Variants in HERC1 observed in about 807,000 individuals in gnomAD.
HERC1 encodes probable E3 ubiquitin-protein ligase HERC1.
A neutral mutation model predicts 554.3 loss-of-function variants in HERC1; 160 were observed. That is an observed-to-expected ratio of 0.29 (90% confidence interval 0.25 to 0.33). The LOEUF (loss-of-function observed/expected upper bound fraction) is 0.33, where lower values mean the gene tolerates loss of function less well. Ranked by LOEUF, HERC1 falls within the 10% of genes least tolerant of loss-of-function variation. The pLI is 1.00. For missense variants in HERC1, 4,919 were observed against 5,918.5 expected (o/e 0.83, Z 5.54); for synonymous variants, 2,175 against 2,131.7 (o/e 1.02, Z -0.56).
rs1458144692 is a variant in HERC1 at position 63,616,430 on chromosome 15, C to G, written c.13941G>C (p.Glu4647Asp). 6.2e-7 allele frequency: 1 copy of G among 1,612,320 alleles called. No homozygotes were observed. Among genetic ancestry groups the G allele is most frequent in the Non-Finnish European group, 8.5e-7 (1 of 1,178,854 alleles). ...DSGITEESFH[E>D]MIPLDSFVGQ... Reference sequence around the variant, plus strand: ...GAAACATAGACTGGCCAGGATTTACCTCATGGAAACTCTCCTCGGTAATCC... The same window carrying G: ...GAAACATAGACTGGCCAGGATTTACGTCATGGAAACTCTCCTCGGTAATCC... The change falls in exon 75 of 78, where the codon GAG becomes GAC. Residue 4647 changes from glutamate to aspartate, a missense_variant and splice_region_variant. By Grantham distance (45) the Glu-to-Asp change is conservative. Around this residue, in one of 11 missense-constraint regions of HERC1, gnomAD observed 284 missense variants for 294.1 expected, o/e 0.97. Coordinates refer to ENST00000443617, the MANE Select transcript of HERC1 (RefSeq NM_003922.4).
Position 63,694,331 on chromosome 15 carries a change from T to C in HERC1, c.5461A>G (p.Ile1821Val), listed in dbSNP as rs1447189799. The change falls in exon 29 of 78, where the codon ATT becomes GTT. Residue 1821 changes from isoleucine (I) to valine (V), a missense_variant. Coordinates refer to ENST00000443617, the MANE Select transcript of HERC1 (RefSeq NM_003922.4). The surrounding 1 kb of genome is among the most constrained non-coding windows in gnomAD (Gnocchi z 4.3). ...ACTTACCCAGTAGTGATGGCTAGAA[T>C]CTGGAGCAACCTTGTACTGGCCACT... Reference protein sequence around the residue: ...LKVASTRLLQILAITTGTYAD... With the variant: ...LKVASTRLLQVLAITTGTYAD... The C allele has an allele frequency of 5.6e-6, 9 of 1,613,450 alleles. No individual in the cohort carries two copies. The highest frequency in any genetic ancestry group is 6.8e-6 in the Non-Finnish European group (8 of 1,179,714).
Position 63,674,968 on chromosome 15 carries a change from C to G in HERC1, c.7220G>C (p.Gly2407Ala). The part of the protein sequence containing the change: ...TYLTGVHEDM[G>A]KQSTKRHEKK... Reference sequence around the variant, plus strand: ...TTCATGTCGTTTGGTGCTCTGTTTGCCCATGTCTTCATGAACGCCAGTGAG... The same window carrying G: ...TTCATGTCGTTTGGTGCTCTGTTTGGCCATGTCTTCATGAACGCCAGTGAG... Residue 2407 changes from glycine to alanine, a missense_variant, in exon 38 of 78, where the codon GGC (glycine) becomes GCC (alanine). Gly to Ala is a moderately conservative substitution (Grantham distance 60, BLOSUM62 0). This residue lies in a region of HERC1 where 1,963 missense variants were observed against 2,228.6 expected (regional missense o/e 0.88). Transcript: ENST00000443617. 1 of 1,614,012 alleles carries G rather than the reference C, an allele frequency of 6.2e-7. No individual in the cohort carries two copies. The highest frequency in any genetic ancestry group is 8.5e-7 in the Non-Finnish European group (1 of 1,179,892).
intron 12 of HERC1, among the ~76,000 whole-genome samples, 159 bp downstream of exon 12, chr15:63,746,759 A>C (rs1300579939): frequency 6.6e-6 from 1 of 152,266 alleles, no homozygotes; most frequent in East Asian, 1.9e-4. Context: ...CCTTTGTCTC[A>C]AGGATGAGTT....
At position 63,752,729 on chromosome 15, in the gene HERC1, A is replaced by C. The variant is rs1596156205; in HGVS notation, c.1902+229T>G. 7.7e-6 allele frequency: 3 copies of C among 390,874 alleles called. No individual in the cohort carries two copies. In the East Asian group the frequency reaches 1.2e-4, roughly 16 times the overall value. The allele number at this position is 390,874 out of a possible 1,614,324, so 24.2% of individuals were successfully genotyped here. A position where few individuals can be genotyped will look rare whatever the true frequency, so the allele number is the denominator to read the frequency against. On this transcript the variant is annotated intron_variant, in intron 8 of 77. Transcript: ENST00000443617. Reference sequence around the variant, plus strand: ...TAAAACATTTTAGAAAGTCAGTTTAATACAAAGAACAGAGGCTCCACTAAG... The same window carrying C: ...TAAAACATTTTAGAAAGTCAGTTTACTACAAAGAACAGAGGCTCCACTAAG...
At chr15:63,711,662 G>A (rs1453814718) in intron 24 of HERC1, among the ~76,000 whole-genome samples, 1 of 152,078 alleles carries the variant, frequency 6.6e-6, no homozygotes, top group Non-Finnish European at 1.5e-5. Context: ...TACAACAGAG[G>A]AATTTCAGAA....
At chr15:63,649,127 G>T (rs1332163141) in intron 54 of HERC1, among the ~76,000 whole-genome samples, 1 of 152,188 alleles carries the variant, frequency 6.6e-6, no homozygotes, top group East Asian at 1.9e-4. Context: ...GGCCAAGGTG[G>T]GCGGATCACA....
intron 1 of HERC1, among the ~76,000 whole-genome samples, chr15:63,784,747 A>T (rs1276199509): frequency 1.3e-5 from 2 of 152,024 alleles, no homozygotes; most frequent in Non-Finnish European, 2.9e-5. Context: ...AACTGGGACT[A>T]TAGGTGGCTG....
Position 63,694,999 on chromosome 15 carries a change from T to C in HERC1, c.5122-105A>G, listed in dbSNP as rs1002073191. On this transcript the variant is annotated intron_variant, in intron 27 of 77. Transcript: ENST00000443617. This position sits in a 1 kb window ranked among gnomAD's most constrained non-coding sequence, Gnocchi z 4.3. ...TCTAGTCTATGCTAGAGCCTTACGATGGTTTTTAATTATTTACTATATTTC... is the reference window on the plus strand; with the variant it reads ...TCTAGTCTATGCTAGAGCCTTACGACGGTTTTTAATTATTTACTATATTTC... The C allele has an allele frequency of 9.9e-7, 1 of 1,012,624 alleles. No individual in the cohort carries two copies. The highest frequency in any genetic ancestry group is 1.4e-6 in the Non-Finnish European group (1 of 739,974). The allele number at this position is 1,012,624 out of a possible 1,614,324, so 62.7% of individuals were successfully genotyped here.
chr15:63,635,032 A>AT, intron 65 of HERC1, 144 bp from the exon 66 acceptor site: 6 of 575,346 alleles, frequency 1.0e-5, no homozygotes, highest in Middle Eastern at 4.7e-4. Flanking sequence ...TGCTTTTAAA[A>AT]ATTTTTTTTT....
chr15:63,690,182 A>G (rs992082535), intron 32 of HERC1, among the ~76,000 whole-genome samples: 12 of 151,852 alleles, frequency 7.9e-5, no homozygotes, highest in Middle Eastern at 3.4e-3. Context: ...AAAAAAAAAA[A>G]AAAGAAATAT....
At chr15:63,649,182 G>A (rs1010388250) in intron 54 of HERC1, among the ~76,000 whole-genome samples, 1 of 152,136 alleles carries the variant, frequency 6.6e-6, no homozygotes, top group Non-Finnish European at 1.5e-5. Context: ...GTGAAACCCT[G>A]TCTCTACTAA....
chr15:63,622,432 A>C (rs1018436210), intron 74 of HERC1, among the ~76,000 whole-genome samples: 3 of 149,794 alleles, frequency 2.0e-5, no homozygotes, highest in Admixed American at 1.3e-4. Flanking sequence ...GGTTCAAATC[A>C]AGTGATTCTC....
rs181573300 is a variant in HERC1 at position 63,816,882 on chromosome 15, C to T, written c.-27+16945G>A. Among the ~76,000 whole-genome samples the T allele has an allele frequency of 2.3e-3, 352 of 152,242 alleles. 1 individual carries two copies. The highest frequency in any genetic ancestry group is 8.0e-3 in the African/African-American group (332 of 41,540). On this transcript the variant is annotated intron_variant, in intron 1 of 77. Transcript: ENST00000443617. ...TGAATTAAGAAGTCTAAGCAATTAT[C>T]ATCAACAGCTGCTAACATCACAAAG...
rs1035748169 is a variant in HERC1, at chr15:63,674,509, C to T, written c.7679G>A (p.Arg2560Gln). The T allele has an allele frequency of 2.5e-6, 4 of 1,613,520 alleles. No homozygotes were observed. The highest frequency in any genetic ancestry group is 2.5e-6 in the Non-Finnish European group (3 of 1,179,724). Residue 2560 changes from arginine (R) to glutamine (Q), a missense_variant, in exon 38 of 78, where the codon CGA becomes CAA. Physicochemically the swap from Arg to Gln is conservative, Grantham distance 43. Around this residue, in one of 11 missense-constraint regions of HERC1, gnomAD observed 1,963 missense variants for 2,228.6 expected, o/e 0.88. Transcript: ENST00000443617. The part of the protein sequence containing the change: ...SPVVHEDVEM[R>Q]AALQFLMRHM... ...TCGCATCAAGAACTGCAGGGCTGCT[C>T]GCATCTCCACGTCTTCATGAACAAC...
In HERC1 at chr15:63,764,175, C is replaced by G. The variant is rs942202203; in HGVS notation, c.947G>C (p.Arg316Pro). The change falls in exon 3 of 78, where the codon CGG becomes CCG. Residue 316 changes from arginine to proline, a missense_variant. Around this residue, in one of 11 missense-constraint regions of HERC1, gnomAD observed 744 missense variants for 1,090.0 expected, o/e 0.68. Coordinates refer to ENST00000443617, the MANE Select transcript of HERC1 (RefSeq NM_003922.4). ...TCTGGTTGGTTCTCTCCACTGACTC[C>G]GATCAGCAGATGAACCCTATAATTA... Reference protein sequence around the residue: ...MRRSLGSSADRSQWREPTRTS... With the variant: ...MRRSLGSSADPSQWREPTRTS... 6.2e-7 allele frequency: 1 copy of G among 1,608,770 alleles called. No homozygotes were observed. The highest frequency in any genetic ancestry group is 8.5e-7 in the Non-Finnish European group (1 of 1,177,060).
rs1261027929 is a variant in HERC1, at chr15:63,624,212, A to G, written c.13391T>C (p.Met4464Thr). The change falls in exon 72 of 78, where the codon ATG becomes ACG. Residue 4464 changes from methionine (M) to threonine (T), a missense_variant. Met to Thr is a moderately conservative substitution (Grantham distance 81). Coordinates refer to ENST00000443617, the MANE Select transcript of HERC1 (RefSeq NM_003922.4). ...LPMVRSIGKT[M>T]VQGKNYGPQI... ...AGGTCCATAGTTTTTGCCTTGAACCATGGTTTTTCCTATGGAGCGCACCAT... is the reference window on the plus strand; with the variant it reads ...AGGTCCATAGTTTTTGCCTTGAACCGTGGTTTTTCCTATGGAGCGCACCAT... 6.2e-7 allele frequency: 1 copy of G among 1,613,948 alleles called. No homozygotes were observed. The highest frequency in any genetic ancestry group is 1.1e-5 in the South Asian group (1 of 91,084).
chr15:63,690,838 C>T (rs2072064332), intron 31 of HERC1, among the ~76,000 whole-genome samples, 191 bp from the exon 32 acceptor site: 1 of 152,094 alleles, frequency 6.6e-6, no homozygotes, highest in Non-Finnish European at 1.5e-5. Context: ...CATGCTTATG[C>T]CTCAGTTTTT....
Position 63,628,661 on chromosome 15 carries a change from A to G in HERC1, c.13105+16T>C. The G allele has an allele frequency of 6.2e-7, 1 of 1,601,096 alleles. No individual in the cohort carries two copies. Among genetic ancestry groups the G allele is most frequent in the Non-Finnish European group, 8.5e-7 (1 of 1,174,572 alleles). On this transcript the variant is annotated intron_variant, in intron 70 of 77. Transcript: ENST00000443617. ...AAAAAGAAACGCTGCAGGAGCATGA[A>G]TATTTCATTCCTCACCTGGTGCTCT...
chr15:63,610,712 T>G (rs374893320), intron 77 of HERC1, among the ~76,000 whole-genome samples: 2 of 152,172 alleles, frequency 1.3e-5, no homozygotes, highest in Non-Finnish European at 2.9e-5. Context: ...CAGGGAGGAA[T>G]AGCTTTGGCT....
Sources: gnomAD v4.1 joint callset for allele counts (sites outside exome capture counted in the v4.1 genomes callset) on GRCh38, gnomAD v4.1.1 for gene constraint, gnomAD v4.1.1 regional missense constraint, Gnocchi (gnomAD v3.1) non-coding constraint, MANE v1.5 for transcripts, NCBI Gene and HGNC (gene_info 2026-07-23, HGNC 2026-07-21) for gene names.